ABI3BP: variants seen among roughly 807,000 people sequenced by gnomAD.
ABI3BP encodes the protein ABI family member 3 binding protein, also known as target of Nesh-SH3.
In ABI3BP, 216 loss-of-function variants were observed where a neutral mutation model predicts 268.6. The ratio of observed to expected loss-of-function variants is 0.80; its 90% CI spans 0.72 to 0.90. ABI3BP has a LOEUF of 0.90. Among genes scored for constraint, ABI3BP ranks in the 40% least tolerant of loss-of-function variants. The probability of loss-of-function intolerance (pLI) is 0.00; values close to 1 mark genes in which losing one functional copy is unlikely to be tolerated. For missense variants in ABI3BP, 2,090 were observed against 2,182.4 expected, an observed-to-expected ratio of 0.96 and a Z score of 0.84; for synonymous variants, 730 against 730.0, an observed-to-expected ratio of 1.00 and a Z score of 0.00.
chr3:100,954,004 G>A (rs2075995812), intron 1 of ABI3BP, among the ~76,000 whole-genome samples: 1 of 152,106 alleles, frequency 6.6e-6, no homozygotes, highest in Admixed American at 6.6e-5. Flanking sequence ...TTAGCTCTTA[G>A]GATGAACTGT....
chr3:100,853,236 A>C (rs1329419142), intron 14 of ABI3BP, among the ~76,000 whole-genome samples: 1 of 152,242 alleles, frequency 6.6e-6, no homozygotes, highest in African/African-American at 2.4e-5. Flanking sequence ...AAATAGCAAG[A>C]ATATTGTGAG....
chr3:100,916,591 GGA>G (rs1250460130), intron 2 of ABI3BP, among the ~76,000 whole-genome samples: 1 of 152,160 alleles, frequency 6.6e-6, no homozygotes, highest in Non-Finnish European at 1.5e-5. Context: ...GTTGCTCTAA[GGA>G]TTTAATAACC....
At position 100,926,410 on chromosome 3, in the gene ABI3BP, T is replaced by C. The variant is rs1425573729; in HGVS notation, c.151A>G (p.Ser51Gly). The C allele has an allele frequency of 1.9e-6, 3 of 1,613,416 alleles. No individual in the cohort carries two copies. Among genetic ancestry groups the C allele is most frequent in the East Asian group, 2.2e-5 (1 of 44,884 alleles). ...AGACCTTCAAGCTTTACATTTGGAC[T>C]TGGACGCAAGAACTTCAAGAGGATG... is the stretch of plus-strand genomic sequence containing the variant. ...DSILLKFLRPSPNVKLEGLLL... is the reference protein window; with the variant it reads ...DSILLKFLRPGPNVKLEGLLL... The change falls in exon 2 of 68, where the codon AGT (serine) becomes GGT (glycine). Residue 51 changes from serine (S) to glycine (G), a missense_variant. Physicochemically the swap from Ser to Gly is moderately conservative, Grantham distance 56. Transcript: ENST00000471714.
rs375838417 is a variant in ABI3BP at position 100,876,778 on chromosome 3, G to A, written c.697-218C>T. On this transcript the variant is annotated intron_variant, in intron 6 of 67. Coordinates refer to ENST00000471714, the MANE Select transcript of ABI3BP (RefSeq NM_001375547.2). ...GTGGATCACCTGAGGTCAGGAGTTC[G>A]AGACCAGCCTGGCCAACATGGTAAA... Among the ~76,000 whole-genome samples, 173 of 151,652 alleles carry A rather than the reference G, an allele frequency of 1.1e-3. 4 individuals are homozygous for A. The South Asian group carries it at 0.035, about 31-fold the overall frequency.
chr3:100,850,091 T>C lies in ABI3BP; in HGVS notation c.1455A>G (p.Gln485=). The C allele has an allele frequency of 6.2e-7, 1 of 1,611,002 alleles. No homozygotes were observed. The highest frequency in any genetic ancestry group is 8.5e-7 in the Non-Finnish European group (1 of 1,178,664). Residue 485 remains glutamine (Q), a synonymous_variant, in exon 17 of 68, where the codon CAA becomes CAG. Coordinates refer to ENST00000471714, the MANE Select transcript of ABI3BP (RefSeq NM_001375547.2). ...CTGGACTGGTAAAGATTTCCAGTTT[T>C]TGAGGAACAAATGGTGTTTCACTTG... ...LAPSETPFVP[Q]KLEIFTSPEM...
At chr3:100,779,796 C>G (rs2150259393) in intron 58 of ABI3BP, among the ~76,000 whole-genome samples, 1 of 152,152 alleles carries the variant, frequency 6.6e-6, no homozygotes, top group East Asian at 1.9e-4. Context: ...ATAAATTACA[C>G]AAGAGCAGAA....
chr3:100,911,626 C>G lies in ABI3BP; in HGVS notation c.260-8940G>C, dbSNP rs77480835. The G allele has an allele frequency of 8.1e-3, 5,649 of 698,518 alleles. 349 individuals are homozygous for G. The East Asian group carries it at 0.13, about 16-fold the overall frequency. 43.3% of individuals were successfully genotyped at this position (698,518 alleles called of 1,614,324 possible). ...TGTGTTTTTACTGCTTGGCTAAAAC[C>G]AGTGGATGTAGAGGAACCTGATACA... On this transcript the variant is annotated intron_variant, in intron 2 of 67. Coordinates refer to ENST00000471714, the MANE Select transcript of ABI3BP (RefSeq NM_001375547.2).
intron 1 of ABI3BP, among the ~76,000 whole-genome samples, chr3:100,991,442 T>C (rs998184947): frequency 6.6e-6 from 1 of 152,186 alleles, no homozygotes; most frequent in Non-Finnish European, 1.5e-5. Flanking sequence ...GGTTTCTTTA[T>C]TGAGAATGTG....
intron 2 of ABI3BP, among the ~76,000 whole-genome samples, chr3:100,923,528 T>C (rs1325172314): frequency 6.6e-6 from 1 of 152,126 alleles, no homozygotes; most frequent in Admixed American, 6.5e-5. Context: ...ATTAAATATA[T>C]AAAAATCAAT....
intron 58 of ABI3BP, 113 bp downstream of exon 58, chr3:100,780,019 G>C (rs900069673): frequency 8.0e-6 from 7 of 878,092 alleles, no homozygotes; most frequent in Non-Finnish European, 1.3e-5. Context: ...GTGTGGTTCT[G>C]ATACTTCGGG....
At chr3:100,976,955 G>A (rs781332004) in intron 1 of ABI3BP, among the ~76,000 whole-genome samples, 1 of 152,236 alleles carries the variant, frequency 6.6e-6, no homozygotes, top group Non-Finnish European at 1.5e-5. Context: ...TGGAGATGTG[G>A]TCCTTTAGCT....
Position 100,823,946 on chromosome 3 carries a change from T to TA in ABI3BP, c.2747-433dup, listed in dbSNP as rs144727584. ...ACAGTTCATATGTTTGATACCGACA[T>TA]AAAAAAGTAATCATTGAAGTGGACT... is the stretch of plus-strand genomic sequence containing the variant. On this transcript the variant is annotated intron_variant, in intron 36 of 67. Transcript: ENST00000471714. Among the ~76,000 whole-genome samples the TA allele has an allele frequency of 3.3e-3, 505 of 152,244 alleles. 4 individuals carry two copies. Among genetic ancestry groups the TA allele is most frequent in the African/African-American group, 0.012 (497 of 41,540 alleles).
At chr3:100,959,577 T>C (rs2078198082) in intron 1 of ABI3BP, among the ~76,000 whole-genome samples, 1 of 145,916 alleles carries the variant, frequency 6.9e-6, no homozygotes, top group Non-Finnish European at 1.5e-5. Flanking sequence ...TGGCTAATAA[T>C]CATTGAATAA....
intron 2 of ABI3BP, among the ~76,000 whole-genome samples, chr3:100,918,823 C>T (rs1032113998): frequency 2.0e-5 from 3 of 152,168 alleles, no homozygotes; most frequent in Non-Finnish European, 2.9e-5. Context: ...ATAAAGTTCC[C>T]TAAGTTCTGA....
chr3:100,873,601 A>G (rs1393076168), intron 9 of ABI3BP, among the ~76,000 whole-genome samples: 1 of 152,192 alleles, frequency 6.6e-6, no homozygotes, highest in East Asian at 1.9e-4. Context: ...CTAGGACCCC[A>G]GCCTATTGTT....
chr3:100,991,192 C>T lies in ABI3BP; in HGVS notation c.79+2114G>A, dbSNP rs117624994. On this transcript the variant is annotated intron_variant, in intron 1 of 67. Coordinates refer to ENST00000471714, the MANE Select transcript of ABI3BP (RefSeq NM_001375547.2). ...TCTGGGAATCACTAGACTAAGTGAT[C>T]ATGAATATCTTTTCTAGCTCCAGAA... 4.2e-4 allele frequency among the ~76,000 whole-genome samples: 64 copies of T among 152,254 alleles called. 1 individual carries two copies. The East Asian group carries it at 0.012, about 29-fold the overall frequency.
At chr3:100,768,367 C>T (rs1431700333) in intron 62 of ABI3BP, among the ~76,000 whole-genome samples, 1 of 152,086 alleles carries the variant, frequency 6.6e-6, no homozygotes, top group Admixed American at 6.5e-5. Context: ...GGATTACAGG[C>T]GTGAGCCACT....
chr3:100,841,220 T>TTTTTG (rs1579995022), intron 21 of ABI3BP, among the ~76,000 whole-genome samples: 5 of 119,588 alleles, frequency 4.2e-5, no homozygotes, highest in African/African-American at 6.5e-5. Flanking sequence ...TTTTTTTTTT[T>TTTTTG]TTTTTTTGCT....
intron 66 of ABI3BP, among the ~76,000 whole-genome samples, chr3:100,752,167 C>T (rs1248856891): frequency 2.6e-5 from 4 of 152,116 alleles, no homozygotes; most frequent in African/African-American, 9.7e-5. Flanking sequence ...CTTTAAAGTA[C>T]CTCTATGAAA....
Sources: gnomAD v4.1 joint callset for allele counts (sites outside exome capture counted in the v4.1 genomes callset) on GRCh38, gnomAD v4.1.1 for gene constraint, MANE v1.5 for transcripts, NCBI Gene and HGNC (gene_info 2026-07-23, HGNC 2026-07-21) for gene names.